The following HIPK2 variants were observed in gnomAD, a reference collection of about 807,000 sequenced individuals.
HIPK2 encodes the protein homeodomain interacting protein kinase 2.
HIPK2 carries 27 observed loss-of-function variants against 113.7 expected under a neutral mutation model. The ratio of observed to expected loss-of-function variants is 0.24; its 90% CI spans 0.17 to 0.33. The LOEUF is 0.33. Ranked by LOEUF, HIPK2 falls within the 10% of genes least tolerant of loss-of-function variation. The pLI is 1.00. For synonymous variants in HIPK2, 631 were observed against 642.2 expected (o/e 0.98, Z 0.26); for missense variants, 1,257 against 1,588.0 (o/e 0.79, Z 3.54).
In HIPK2 at chr7:139,615,133, A is replaced by T. The variant is rs551282765; in HGVS notation, c.1783-640T>A. ...GGGAGGCTCTTGCAGGCCCTAAAGG[A>T]CTATGGTCTCAGTACCCAGAGCTTG... On this transcript the variant is annotated intron_variant, in intron 7 of 14. Transcript: ENST00000406875. 9.8e-5 allele frequency among the ~76,000 whole-genome samples: 15 copies of T among 152,310 alleles called. No individual in the cohort carries two copies. The South Asian group carries it at 2.5e-3, about 25-fold the overall frequency.
At chr7:139,722,057 T>C (rs2116981096) in intron 1 of HIPK2, 1 of 477,702 alleles carries the variant, frequency 2.1e-6, no homozygotes, top group South Asian at 1.6e-5. Context: ...AAACACTGAA[T>C]CTCAGATATG....
chr7:139,664,081 C>T (rs1197909759), intron 2 of HIPK2, among the ~76,000 whole-genome samples: 3 of 152,260 alleles, frequency 2.0e-5, no homozygotes, highest in Non-Finnish European at 4.4e-5. Context: ...CTCGCTTCAG[C>T]GTCCTCCCCT....
At chr7:139,699,170 G>A (rs1047343981) in intron 2 of HIPK2, among the ~76,000 whole-genome samples, 1 of 152,014 alleles carries the variant, frequency 6.6e-6, no homozygotes, top group Non-Finnish European at 1.5e-5. Context: ...AGTGGCACCC[G>A]CCATCTCTCC....
intron 2 of HIPK2, among the ~76,000 whole-genome samples, chr7:139,699,461 G>A (rs1195287939): frequency 6.6e-6 from 1 of 152,152 alleles, no homozygotes; most frequent in African/African-American, 2.4e-5. Context: ...AGAGGACCAT[G>A]CTTAGGCCAC....
At chr7:139,710,869 CCTCT>C (rs1037597093) in intron 2 of HIPK2, among the ~76,000 whole-genome samples, 1 of 152,136 alleles carries the variant, frequency 6.6e-6, no homozygotes, top group Non-Finnish European at 1.5e-5. Context: ...ACCTACCCCA[CCTCT>C]CTCTTTCTCC....
intron 13 of HIPK2, among the ~76,000 whole-genome samples, chr7:139,580,183 G>C (rs564923089): frequency 1.3e-5 from 2 of 152,194 alleles, no homozygotes; most frequent in Non-Finnish European, 2.9e-5. Flanking sequence ...GCTGGGCCCC[G>C]CTGTGCATGT....
At chr7:139,615,101 A>G (rs1799990906) in intron 7 of HIPK2, among the ~76,000 whole-genome samples, 1 of 152,176 alleles carries the variant, frequency 6.6e-6, no homozygotes, top group African/African-American at 2.4e-5. Context: ...GGGAGGACAA[A>G]TCCAGGGGGA....
At chr7:139,760,017 T>A (rs1278299959) in intron 1 of HIPK2, among the ~76,000 whole-genome samples, 1 of 152,002 alleles carries the variant, frequency 6.6e-6, no homozygotes, top group African/African-American at 2.4e-5. Flanking sequence ...TTTTTTTTTT[T>A]TCTGAGACAG....
chr7:139,624,832 C>CTAGA (rs1258483641), intron 6 of HIPK2, among the ~76,000 whole-genome samples: 1 of 152,218 alleles, frequency 6.6e-6, no homozygotes, highest in African/African-American at 2.4e-5. Flanking sequence ...GAAGACTCAT[C>CTAGA]TGTCTTCTCT....
chr7:139,628,826 A>C, intron 5 of HIPK2, 127 bp downstream of exon 5: 1 of 744,384 alleles, frequency 1.3e-6, no homozygotes, highest in Non-Finnish European at 2.2e-6. Flanking sequence ...TAACTATTTA[A>C]GGTCAAGGTC....
rs1426803458 is a variant in HIPK2 at position 139,777,788 on chromosome 7, G to A, written c.-165C>T. ...ATCACCGCCTCCCGTGGCCGGCGCC[G>A]GGGGAGGGGGCCGGGCGCGCCGCCG... On this transcript the variant is annotated 5_prime_UTR_variant, in exon 1 of 15. Transcript: ENST00000406875. 4 of 534,856 alleles carry A rather than the reference G, an allele frequency of 7.5e-6. No individual in the cohort carries two copies. Among genetic ancestry groups the A allele is most frequent in the East Asian group, 1.4e-4 (1 of 7,052 alleles). 33.1% of individuals were successfully genotyped at this position (534,856 alleles called of 1,614,324 possible). A position where few individuals can be genotyped will look rare whatever the true frequency, so the allele number is the denominator to read the frequency against.
At chr7:139,722,233 T>C (rs955438347) in intron 1 of HIPK2, among the ~76,000 whole-genome samples, 11 of 152,154 alleles carry the variant, frequency 7.2e-5, no homozygotes, top group African/African-American at 2.4e-4. Context: ...AAATGAAAAA[T>C]AGCACCTATA....
At chr7:139,647,616 C>G (rs1282059826) in intron 2 of HIPK2, among the ~76,000 whole-genome samples, 1 of 151,940 alleles carries the variant, frequency 6.6e-6, no homozygotes, top group East Asian at 1.9e-4. Flanking sequence ...ATCTAGATAT[C>G]TATATATATG....
intron 2 of HIPK2, among the ~76,000 whole-genome samples, chr7:139,686,074 A>G (rs897394297): frequency 1.3e-5 from 2 of 152,222 alleles, no homozygotes; most frequent in African/African-American, 4.8e-5. Flanking sequence ...TGCCATTAAG[A>G]ACAGTCATGA....
chr7:139,720,969 C>G (rs1795391409), intron 1 of HIPK2, among the ~76,000 whole-genome samples: 1 of 152,136 alleles, frequency 6.6e-6, no homozygotes, highest in Admixed American at 6.5e-5. Flanking sequence ...GGATGACAGC[C>G]AAGGGTCATA....
chr7:139,659,005 C>T (rs1439848760), intron 2 of HIPK2, among the ~76,000 whole-genome samples: 1 of 152,154 alleles, frequency 6.6e-6, no homozygotes, highest in Non-Finnish European at 1.5e-5. Context: ...TCCCTGGGAA[C>T]CCTAGTTGGG....
At chr7:139,675,420 G>C (rs1802464082) in intron 2 of HIPK2, among the ~76,000 whole-genome samples, 1 of 152,044 alleles carries the variant, frequency 6.6e-6, no homozygotes, top group Non-Finnish European at 1.5e-5. Flanking sequence ...TTGGAGTCTG[G>C]GGCCCCAGAC....
chr7:139,610,500 C>T (rs113526806), intron 9 of HIPK2, among the ~76,000 whole-genome samples: 120 of 152,284 alleles, frequency 7.9e-4, no homozygotes, highest in Middle Eastern at 3.4e-3. Context: ...TACAAGGACC[C>T]ATTGGAGAGA....
Position 139,702,342 on chromosome 7 carries a change from G to A in HIPK2, c.1103+13590C>T, listed in dbSNP as rs969024887. ...CAAAAAAATAAGCAAATGCCCCTGTGGAGACAGGGAAGCATCCTGGCTCTG... is the reference window on the plus strand; with the variant it reads ...CAAAAAAATAAGCAAATGCCCCTGTAGAGACAGGGAAGCATCCTGGCTCTG... On this transcript the variant is annotated intron_variant, in intron 2 of 14. Coordinates refer to ENST00000406875, the MANE Select transcript of HIPK2 (RefSeq NM_022740.5). 1.1e-4 allele frequency among the ~76,000 whole-genome samples: 16 copies of A among 152,332 alleles called. No individual in the cohort carries two copies. The East Asian group carries it at 3.1e-3, about 29-fold the overall frequency.
Sources: gnomAD v4.1 joint callset for allele counts (sites outside exome capture counted in the v4.1 genomes callset) on GRCh38, gnomAD v4.1.1 for gene constraint, MANE v1.5 for transcripts, NCBI Gene and HGNC (gene_info 2026-07-23, HGNC 2026-07-21) for gene names.